NOTUM: variants seen among roughly 807,000 people sequenced by gnomAD.
NOTUM encodes the protein palmitoleoyl-protein carboxylesterase NOTUM.
A neutral mutation model predicts 65.5 loss-of-function variants in NOTUM; 36 were observed. The observed-to-expected ratio is 0.55, with a 90% CI of 0.42 to 0.73. The LOEUF (loss-of-function observed/expected upper bound fraction) is 0.73, where lower values mean the gene tolerates loss of function less well. NOTUM is among the 30% of genes least tolerant of loss of function. The pLI is 0.00. For synonymous variants in NOTUM, 356 were observed against 297.9 expected, an observed-to-expected ratio of 1.20 and a Z score of -2.01; for missense variants, 659 against 694.2, an observed-to-expected ratio of 0.95 and a Z score of 0.57.
chr17:81,957,459 T>C (rs2143945081), intron 6 of NOTUM, among the ~76,000 whole-genome samples: 1 of 152,006 alleles, frequency 6.6e-6, no homozygotes, highest in Middle Eastern at 3.4e-3. Context: ...ACAGGGGTGA[T>C]CCTCATCTAC....
At chr17:81,956,177 C>T (rs1214832010) in intron 8 of NOTUM, among the ~76,000 whole-genome samples, 1 of 152,208 alleles carries the variant, frequency 6.6e-6, no homozygotes, top group Non-Finnish European at 1.5e-5. Context: ...ATGACCTTGG[C>T]CTGGTTCTCA....
chr17:81,952,663 G>A lies in NOTUM; in HGVS notation c.*298C>T. The A allele has an allele frequency of 2.2e-6, 1 of 454,370 alleles. No individual in the cohort carries two copies. The highest frequency in any genetic ancestry group is 3.9e-6 in the Non-Finnish European group (1 of 254,994). The allele number at this position is 454,370 out of a possible 1,614,324, so 28.1% of individuals were successfully genotyped here. ...AGGGCTTGATGGGTGGGGCCGGTGG[G>A]TGCTGTCTGAGCTGGTGGACTGAGG... On this transcript the variant is annotated 3_prime_UTR_variant, in exon 11 of 11. Coordinates refer to ENST00000409678, the MANE Select transcript of NOTUM (RefSeq NM_178493.6).
rs745657960 is a variant in NOTUM, at chr17:81,959,620, C to A, written c.376+20G>T. 13 of 1,545,662 alleles carry A rather than the reference C, an allele frequency of 8.4e-6. No homozygotes were observed. The highest frequency in any genetic ancestry group is 2.5e-5 in the East Asian group (1 of 40,806). ...CGCGCACAGACCCCCGGCCTCCCCC[C>A]GCCTCAGCCCTGGACGCACCTTCCA... On this transcript the variant is annotated intron_variant, in intron 2 of 10. Coordinates refer to ENST00000409678, the MANE Select transcript of NOTUM (RefSeq NM_178493.6).
rs767799453 is a variant in NOTUM at position 81,960,541 on chromosome 17, C to T, written c.323+46G>A. 131 of 1,329,462 alleles carry T rather than the reference C, an allele frequency of 9.9e-5. No individual in the cohort carries two copies. Among genetic ancestry groups the T allele is most frequent in the Non-Finnish European group, 1.3e-4 (128 of 994,722 alleles). 82.4% of individuals were successfully genotyped at this position (1,329,462 alleles called of 1,614,324 possible). ...CCCGCAGGGAAGGTCCAGCCGGAGA[C>T]CGGGCGCGTCGGGCGGGGCGGGGAG... On this transcript the variant is annotated intron_variant, in intron 1 of 10. Transcript: ENST00000409678. The surrounding 1 kb of genome is among the most constrained non-coding windows in gnomAD (Gnocchi z 6.4).
rs780155186 is a variant in NOTUM at position 81,958,311 on chromosome 17, T to C, written c.592+24A>G. 52 of 1,560,738 alleles carry C rather than the reference T, an allele frequency of 3.3e-5. No individual in the cohort carries two copies. In the South Asian group the frequency reaches 3.9e-4, roughly 12 times the overall value. On this transcript the variant is annotated intron_variant, in intron 5 of 10. Transcript: ENST00000409678. ...ATCCGGCCCCGTCCCTGCCCTGCCA[T>C]GCCCTGGGAAGGCCGAGACTCACTC...
At position 81,960,086 on chromosome 17, in the gene NOTUM, A is replaced by C. The variant is rs965266511; in HGVS notation, c.324-394T>G. On this transcript the variant is annotated intron_variant, in intron 1 of 10. Coordinates refer to ENST00000409678, the MANE Select transcript of NOTUM (RefSeq NM_178493.6). The surrounding 1 kb of genome is among the most constrained non-coding windows in gnomAD (Gnocchi z 6.4). The stretch of plus-strand genomic sequence containing the variant: ...AGCGCGGGAGGCGCGGGCGGCACCG[A>C]CCCGGCGGGGGAGCCTTCCTGCCGA... 1.4e-4 allele frequency among the ~76,000 whole-genome samples: 21 copies of C among 151,722 alleles called. No individual in the cohort carries two copies. The South Asian group carries it at 2.9e-3, about 21-fold the overall frequency.
chr17:81,958,828 G>A (rs904884034), intron 4 of NOTUM, 107 bp downstream of exon 4: 82 of 832,978 alleles, frequency 9.8e-5, no homozygotes, highest in African/African-American at 6.7e-5. Context: ...ATCCAGAACA[G>A]GACCCCCAGG....
Position 81,958,809 on chromosome 17 carries a change from A to G in NOTUM, c.533+126T>C, listed in dbSNP as rs575802295. The G allele has an allele frequency of 1.4e-5, 10 of 728,604 alleles. No individual in the cohort carries two copies. The South Asian group carries it at 1.7e-4, about 12-fold the overall frequency. The allele number at this position is 728,604 out of a possible 1,614,324, so 45.1% of individuals were successfully genotyped here. A position where few individuals can be genotyped will look rare whatever the true frequency, so the allele number is the denominator to read the frequency against. On this transcript the variant is annotated intron_variant, in intron 4 of 10. Transcript: ENST00000409678. Reference sequence around the variant, plus strand: ...AACCCCTCTAGGACAGGACCTCCCCAAAAGAACCATCCAGAACAGGACCCC... The same window carrying G: ...AACCCCTCTAGGACAGGACCTCCCCGAAAGAACCATCCAGAACAGGACCCC...
chr17:81,955,353 G>T, intron 9 of NOTUM, 44 bp downstream of exon 9: 1 of 1,479,382 alleles, frequency 6.8e-7, no homozygotes, highest in East Asian at 2.5e-5. Flanking sequence ...TTTAAATAAG[G>T]AGGGAGCTAC....
chr17:81,960,821 C>A lies in NOTUM; in HGVS notation c.89G>T (p.Gly30Val). Residue 30 changes from glycine (G) to valine (V), a missense_variant, in exon 1 of 11, where the codon GGT becomes GTT. Gly to Val is a moderately radical substitution (Grantham distance 109, BLOSUM62 -3). Coordinates refer to ENST00000409678, the MANE Select transcript of NOTUM (RefSeq NM_178493.6). This position sits in a 1 kb window ranked among gnomAD's most constrained non-coding sequence, Gnocchi z 6.4. ...CCGCGGGGGAGGAGGCGGCTGCTGA[C>A]CCCGGCGCCGCCAGGTCTTCCTGCC... Reference protein sequence around the residue: ...SEGRKTWRRRGQQPPPPPRTE... With the variant: ...SEGRKTWRRRVQQPPPPPRTE... The A allele has an allele frequency of 6.5e-7, 1 of 1,527,582 alleles. No homozygotes were observed. The highest frequency in any genetic ancestry group is 2.5e-5 in the East Asian group (1 of 40,652). 94.6% of individuals were successfully genotyped at this position (1,527,582 alleles called of 1,614,324 possible).
At chr17:81,958,446 C>T in intron 4 of NOTUM, 53 bp from the exon 5 acceptor site, 1 of 1,206,750 alleles carries the variant, frequency 8.3e-7, no homozygotes. Context: ...CCGGCAGCCT[C>T]CAGAAAGGAC....
chr17:81,959,614 T>A, intron 2 of NOTUM, 26 bp downstream of exon 2: 1 of 1,540,310 alleles, frequency 6.5e-7, no homozygotes, highest in Non-Finnish European at 8.8e-7. Context: ...ACCCCCGGCC[T>A]CCCCCCGCCT....
At chr17:81,953,469 G>C (rs1178859581) in intron 10 of NOTUM, among the ~76,000 whole-genome samples, 1 of 148,988 alleles carries the variant, frequency 6.7e-6, no homozygotes, top group Non-Finnish European at 1.5e-5. Flanking sequence ...CTAATTTTTT[G>C]TATTTTCAGT....
rs2041458213 is a variant in NOTUM at position 81,959,524 on chromosome 17, T to C, written c.419A>G (p.Tyr140Cys). The C allele has an allele frequency of 6.5e-7, 1 of 1,548,670 alleles. No homozygotes were observed. The highest frequency in any genetic ancestry group is 8.7e-7 in the Non-Finnish European group (1 of 1,146,470). ...GCTCATGAGGCGCCGCATGGTGTCG[T>C]ATCTGGAGTCGCAGTTCTCGCGGTT... is the stretch of plus-strand genomic sequence containing the variant. ...CFNRENCDSRYDTMRRLMSSR... is the reference protein window; with the variant it reads ...CFNRENCDSRCDTMRRLMSSR... The change falls in exon 3 of 11, where the codon TAC becomes TGC. Residue 140 changes from tyrosine (Y) to cysteine (C), a missense_variant. Tyr to Cys is a radical substitution (Grantham distance 194, BLOSUM62 -2). Transcript: ENST00000409678.
At chr17:81,955,283 C>T in intron 9 of NOTUM, 114 bp downstream of exon 9, 8 of 999,264 alleles carry the variant, frequency 8.0e-6, no homozygotes, top group Non-Finnish European at 7.2e-6. Context: ...GCCCGGCCTA[C>T]AAGACCTCTA....
chr17:81,952,814 A>G lies in NOTUM; in HGVS notation c.*147T>C. The G allele has an allele frequency of 1.5e-6, 1 of 688,872 alleles. No homozygotes were observed. The highest frequency in any genetic ancestry group is 2.5e-6 in the Non-Finnish European group (1 of 400,638). 42.7% of individuals were successfully genotyped at this position (688,872 alleles called of 1,614,324 possible). ...GGAGAGGGGCAGGGAAAGCCGGGGC[A>G]GGAGGGCAGTGGGCAGACCCAGACA... On this transcript the variant is annotated 3_prime_UTR_variant, in exon 11 of 11. Transcript: ENST00000409678.
At chr17:81,959,812 G>A (rs1383020720) in intron 1 of NOTUM, 120 bp from the exon 2 acceptor site, 3 of 444,624 alleles carry the variant, frequency 6.7e-6, no homozygotes, top group Non-Finnish European at 6.9e-6. Context: ...CGGTCGCACG[G>A]GGGCGCCCTC....
intron 9 of NOTUM, 76 bp from the exon 10 acceptor site, chr17:81,954,379 G>A: frequency 1.9e-6 from 2 of 1,034,438 alleles, no homozygotes; most frequent in African/African-American, 1.6e-5. Context: ...CCCTAGAGCT[G>A]TCCCCCGCCT....
rs773949708 is a variant in NOTUM at position 81,956,633 on chromosome 17, C to T, written c.988+17G>A. ...CACCCCTGCTGCCCTGTGTGCTCCG[C>T]TCTGCCGCCCACTCACAGCGCAGGG... On this transcript the variant is annotated intron_variant, in intron 8 of 10. Coordinates refer to ENST00000409678, the MANE Select transcript of NOTUM (RefSeq NM_178493.6). 1 of 1,567,474 alleles carries T rather than the reference C, an allele frequency of 6.4e-7. No individual in the cohort carries two copies. The highest frequency in any genetic ancestry group is 8.8e-7 in the Non-Finnish European group (1 of 1,139,458).
Sources: allele counts gnomAD v4.1 joint callset (sites outside exome capture counted in the v4.1 genomes callset), GRCh38; gene constraint gnomAD v4.1.1; non-coding constraint Gnocchi (gnomAD v3.1); transcripts MANE v1.5; gene names NCBI Gene and HGNC (gene_info 2026-07-23, HGNC 2026-07-21).